Variants in SH3GL2 observed in about 807,000 individuals in gnomAD.
The protein encoded by SH3GL2 is endophilin-A1.
SH3GL2 carries 24 observed loss-of-function variants against 46.0 expected under a neutral mutation model. The observed-to-expected ratio is 0.52, with a 90% CI of 0.38 to 0.73. The LOEUF (loss-of-function observed/expected upper bound fraction) is 0.73. SH3GL2 is among the 30% of genes least tolerant of loss of function. The probability of loss-of-function intolerance (pLI) is 0.00; values close to 1 mark genes in which losing one functional copy is unlikely to be tolerated. For missense variants in SH3GL2, 413 were observed against 424.2 expected (o/e 0.97, Z 0.23); for synonymous variants, 196 against 147.1 (o/e 1.33, Z -2.40).
At chr9:17,633,110 G>A (rs1173077636) in intron 1 of SH3GL2, among the ~76,000 whole-genome samples, 1 of 152,172 alleles carries the variant, frequency 6.6e-6, no homozygotes, top group Admixed American at 6.5e-5. Flanking sequence ...GCCAGCTAAG[G>A]CTTTTCAGTG....
At chr9:17,782,882 A>T (rs1457856143) in intron 3 of SH3GL2, among the ~76,000 whole-genome samples, 2 of 152,160 alleles carry the variant, frequency 1.3e-5, no homozygotes, top group African/African-American at 4.8e-5. Context: ...GCCAGCCTTC[A>T]TAGTATTAGG....
At chr9:17,660,518 A>G (rs1820186300) in intron 1 of SH3GL2, among the ~76,000 whole-genome samples, 1 of 152,246 alleles carries the variant, frequency 6.6e-6, no homozygotes, top group South Asian at 2.1e-4. Context: ...GGTACACAAT[A>G]GATGGTCATT....
chr9:17,654,678 A>G (rs1463424540), intron 1 of SH3GL2, among the ~76,000 whole-genome samples: 4 of 152,244 alleles, frequency 2.6e-5, no homozygotes, highest in Non-Finnish European at 5.9e-5. Context: ...TTTGTAGATA[A>G]AAATGAGTTT....
chr9:17,648,371 C>G (rs113310387), intron 1 of SH3GL2, among the ~76,000 whole-genome samples: 2,905 of 152,228 alleles, frequency 0.019, 41 homozygotes, highest in African/African-American at 0.04. Flanking sequence ...TATATCTACA[C>G]AAAGGTACAT....
chr9:17,690,776 A>C (rs1423289867), intron 1 of SH3GL2, among the ~76,000 whole-genome samples: 1 of 152,078 alleles, frequency 6.6e-6, no homozygotes, highest in Non-Finnish European at 1.5e-5. Flanking sequence ...ACAAAGGCTG[A>C]AGAACTCATA....
intron 1 of SH3GL2, among the ~76,000 whole-genome samples, chr9:17,653,296 C>A (rs1025430939): frequency 3.9e-5 from 6 of 151,914 alleles, no homozygotes; most frequent in Admixed American, 3.9e-4. Context: ...ATTTTTTTCC[C>A]TCAGTTCTGG....
At chr9:17,714,110 T>G (rs1276630521) in intron 1 of SH3GL2, among the ~76,000 whole-genome samples, 3 of 151,716 alleles carry the variant, frequency 2.0e-5, no homozygotes, top group Non-Finnish European at 4.4e-5. Flanking sequence ...ATTGAGCCCT[T>G]TATTAGTATG....
At chr9:17,604,610 G>A (rs1447052709) in intron 1 of SH3GL2, among the ~76,000 whole-genome samples, 1 of 152,196 alleles carries the variant, frequency 6.6e-6, no homozygotes, top group African/African-American at 2.4e-5. Context: ...ATGAAGTAAG[G>A]ATGGGTGAAG....
rs1309964923 is a variant in SH3GL2, at chr9:17,654,831, G to A, written c.45+75544G>A. The stretch of plus-strand genomic sequence containing the variant: ...GGATCAAAATGCATAGAGGAAATTA[G>A]GTAATAGTACAAAATAAAAATAACC... On this transcript the variant is annotated intron_variant, in intron 1 of 8. Transcript: ENST00000380607. 3.9e-5 allele frequency among the ~76,000 whole-genome samples: 6 copies of A among 152,038 alleles called. No homozygotes were observed. The East Asian group carries it at 1.2e-3, about 29-fold the overall frequency.
intron 1 of SH3GL2, among the ~76,000 whole-genome samples, chr9:17,680,183 C>T (rs146290889): frequency 6.6e-5 from 10 of 152,046 alleles, no homozygotes; most frequent in East Asian, 1.9e-4. Context: ...TCTATTGATT[C>T]GAATAGTTTC....
rs117205439 is a variant in SH3GL2, at chr9:17,632,862, T to C, written c.45+53575T>C. 8.4e-3 allele frequency among the ~76,000 whole-genome samples: 1,277 copies of C among 152,314 alleles called. 13 individuals carry two copies. Among genetic ancestry groups the C allele is most frequent in the Middle Eastern group, 0.017 (5 of 294 alleles). ...AGGAGCTTCTGCTAATTAAATTGAA[T>C]TGGTCCAGCTTTGTTGTAAACAGGT... On this transcript the variant is annotated intron_variant, in intron 1 of 8. Transcript: ENST00000380607.
intron 1 of SH3GL2, among the ~76,000 whole-genome samples, chr9:17,704,847 G>A (rs1588257900): frequency 1.3e-5 from 2 of 152,130 alleles, no homozygotes; most frequent in Non-Finnish European, 2.9e-5. Context: ...GGATAACCTA[G>A]GACATGCTGC....
chr9:17,674,782 A>G (rs537053106), intron 1 of SH3GL2, among the ~76,000 whole-genome samples: 2 of 152,166 alleles, frequency 1.3e-5, no homozygotes, highest in African/African-American at 4.8e-5. Context: ...CTCATCCTTA[A>G]GGGGACTGGC....
At chr9:17,764,316 C>A (rs1823259010) in intron 3 of SH3GL2, among the ~76,000 whole-genome samples, 1 of 152,206 alleles carries the variant, frequency 6.6e-6, no homozygotes, top group Non-Finnish European at 1.5e-5. Context: ...CATCCCTCCA[C>A]CAGCTTCTTG....
Position 17,656,145 on chromosome 9 carries a change from C to CA in SH3GL2, c.45+76858_45+76859insA, listed in dbSNP as rs539701190. 2.0e-3 allele frequency among the ~76,000 whole-genome samples: 298 copies of CA among 152,156 alleles called. 1 individual carries two copies. Among genetic ancestry groups the CA allele is most frequent in the African/African-American group, 6.7e-3 (279 of 41,510 alleles). On this transcript the variant is annotated intron_variant, in intron 1 of 8. Transcript: ENST00000380607. ...GGCAATACTCCAATTTCTTTATTTT[C>CA]TATGTAAATTGTGTTGATGGATCAG... is the stretch of plus-strand genomic sequence containing the variant.
intron 3 of SH3GL2, among the ~76,000 whole-genome samples, chr9:17,780,036 C>A (rs1405939367): frequency 6.6e-6 from 1 of 152,160 alleles, no homozygotes; most frequent in East Asian, 1.9e-4. Context: ...CGTGTCCAGA[C>A]CACATGCCAA....
chr9:17,705,193 T>A (rs1205884274), intron 1 of SH3GL2, among the ~76,000 whole-genome samples: 1 of 152,112 alleles, frequency 6.6e-6, no homozygotes, highest in Non-Finnish European at 1.5e-5. Context: ...GACAATGAGA[T>A]ACTATCTCAC....
chr9:17,790,530 C>A, intron 6 of SH3GL2: 1 of 382,578 alleles, frequency 2.6e-6, no homozygotes, highest in Non-Finnish European at 3.6e-6. Flanking sequence ...ATACTGTGTG[C>A]ATGAGGGGTG....
intron 1 of SH3GL2, among the ~76,000 whole-genome samples, chr9:17,660,936 C>T (rs142187393): frequency 1.8e-4 from 28 of 152,126 alleles, no homozygotes; most frequent in African/African-American, 5.1e-4. Context: ...CTTAGGTGGG[C>T]GGATCACTTG....
Sources: allele counts gnomAD v4.1 joint callset (sites outside exome capture counted in the v4.1 genomes callset), GRCh38; gene constraint gnomAD v4.1.1; transcripts MANE v1.5; gene names NCBI Gene and HGNC (gene_info 2026-07-23, HGNC 2026-07-21).